Variants in KTN1 observed in about 807,000 individuals in gnomAD.
The protein encoded by KTN1 is kinectin 1, also known as kinectin.
Under a neutral mutation model 222.5 loss-of-function variants are expected in KTN1, and 130 were observed. The ratio of observed to expected loss-of-function variants is 0.58; its 90% CI spans 0.51 to 0.68. The LOEUF (loss-of-function observed/expected upper bound fraction) is 0.68, where lower values mean the gene tolerates loss of function less well. KTN1 is among the 30% of genes least tolerant of loss of function. The pLI, the probability that KTN1 is intolerant of heterozygous loss-of-function variation, is 0.00. For missense variants in KTN1, 1,508 were observed against 1,500.4 expected (o/e 1.01, Z -0.08); for synonymous variants, 512 against 496.3 (o/e 1.03, Z -0.42).
chr14:55,591,832 A>T (rs1594719163), intron 1 of KTN1, among the ~76,000 whole-genome samples: 1 of 151,910 alleles, frequency 6.6e-6, no homozygotes, highest in Non-Finnish European at 1.5e-5. Context: ...CGCCTCGGCC[A>T]CCCAAAATGC....
Position 55,648,854 on chromosome 14 carries a change from C to T in KTN1, c.2351C>T (p.Ala784Val). The T allele has an allele frequency of 1.9e-6, 3 of 1,597,372 alleles. No individual in the cohort carries two copies. Among genetic ancestry groups the T allele is most frequent in the Non-Finnish European group, 2.6e-6 (3 of 1,166,526 alleles). The change falls in exon 21 of 44, where the codon GCT becomes GTT. Residue 784 changes from alanine (A) to valine (V), a missense_variant. Coordinates refer to ENST00000395314, the MANE Select transcript of KTN1 (RefSeq NM_001079521.2). Reference sequence around the variant, plus strand: ...ACAAAAGAAGTTCAAGACTTAAAAGCTAAGCAAAATGATCAGGTAATGTAA... The same window carrying T: ...ACAAAAGAAGTTCAAGACTTAAAAGTTAAGCAAAATGATCAGGTAATGTAA... ...SLTKEVQDLKAKQNDQVSFAS... is the reference protein window; with the variant it reads ...SLTKEVQDLKVKQNDQVSFAS...
At chr14:55,614,676 C>G (rs2038088287) in intron 2 of KTN1, among the ~76,000 whole-genome samples, 1 of 152,196 alleles carries the variant, frequency 6.6e-6, no homozygotes, top group Non-Finnish European at 1.5e-5. Context: ...CAGCTACATT[C>G]ATTCACTCAT....
In KTN1 at chr14:55,682,121, C is replaced by G. The variant is rs561785296; in HGVS notation, c.4070-1978C>G. The G allele has an allele frequency of 2.0e-5, 3 of 152,150 alleles. No individual in the cohort carries two copies. In the East Asian group the frequency reaches 5.8e-4, roughly 29 times the overall value. The allele number at this position is 152,150 out of a possible 1,614,324, so 9.4% of individuals were successfully genotyped here. ...AGAGTTGTTTTTAAAAACAAATATG[C>G]AAGAAATAATATGCATTGATGTAGT... On this transcript the variant is annotated intron_variant, in intron 43 of 43. Coordinates refer to ENST00000395314, the MANE Select transcript of KTN1 (RefSeq NM_001079521.2).
In KTN1 at chr14:55,656,085, C is replaced by G; in HGVS notation, c.2845C>G (p.Leu949Val). Reference sequence around the variant, plus strand: ...TGAATTGAAGAGGTTAGAAGCCATGCTAAAAGAGAGGGAGAGTGATCTTTC... The same window carrying G: ...TGAATTGAAGAGGTTAGAAGCCATGGTAAAAGAGAGGGAGAGTGATCTTTC... The part of the protein sequence containing the change: ...ENELKRLEAM[L>V]KERESDLSSK... Residue 949 changes from leucine to valine, a missense_variant, in exon 29 of 44, where the codon CTA (leucine) becomes GTA (valine). Leu to Val is a conservative substitution (Grantham distance 32). Coordinates refer to ENST00000395314, the MANE Select transcript of KTN1 (RefSeq NM_001079521.2). The G allele has an allele frequency of 6.2e-7, 1 of 1,610,864 alleles. No homozygotes were observed. Among genetic ancestry groups the G allele is most frequent in the African/African-American group, 1.3e-5 (1 of 74,902 alleles).
intron 19 of KTN1, among the ~76,000 whole-genome samples, 195 bp from the exon 20 acceptor site, chr14:55,647,830 G>C (rs2042541204): frequency 6.6e-6 from 1 of 151,388 alleles, no homozygotes; most frequent in Non-Finnish European, 1.5e-5. Context: ...TGTAGTCCCA[G>C]CTACTCGGGA....
At chr14:55,638,233 A>G (rs2041362190) in intron 12 of KTN1, among the ~76,000 whole-genome samples, 1 of 151,950 alleles carries the variant, frequency 6.6e-6, no homozygotes, top group African/African-American at 2.4e-5. Context: ...CAGTATGGTA[A>G]CCATAGATCA....
At chr14:55,672,814 G>A (rs866683627) in intron 38 of KTN1, 113 bp downstream of exon 38, 3 of 1,053,482 alleles carry the variant, frequency 2.8e-6, no homozygotes, top group African/African-American at 3.2e-5. Context: ...AATATCTTGG[G>A]TAGTGTTTGA....
At chr14:55,658,196 G>A (rs2043713182) in intron 29 of KTN1, among the ~76,000 whole-genome samples, 1 of 152,068 alleles carries the variant, frequency 6.6e-6, no homozygotes, top group African/African-American at 2.4e-5. Flanking sequence ...GCTTCTAAAT[G>A]TCCAGCAGTG....
chr14:55,648,461 T>G (rs1382073626), intron 20 of KTN1, among the ~76,000 whole-genome samples: 1 of 152,156 alleles, frequency 6.6e-6, no homozygotes, highest in Non-Finnish European at 1.5e-5. Context: ...TTACCTAACT[T>G]GATTGGGAAA....
At chr14:55,680,639 G>C (rs368958574) in intron 43 of KTN1, 4 of 1,199,896 alleles carry the variant, frequency 3.3e-6, no homozygotes, top group Non-Finnish European at 4.6e-6. Flanking sequence ...GAAAAGTTGG[G>C]ATGGACTTCC....
At chr14:55,599,277 G>A (rs987999396) in intron 1 of KTN1, among the ~76,000 whole-genome samples, 2 of 151,436 alleles carry the variant, frequency 1.3e-5, no homozygotes, top group Non-Finnish European at 2.9e-5. Flanking sequence ...TCAGTTTTTT[G>A]GGATCTACTC....
rs754860693 is a variant in KTN1 at position 55,673,029 on chromosome 14, C to A, written c.3687+17C>A. On this transcript the variant is annotated intron_variant, in intron 39 of 43. Coordinates refer to ENST00000395314, the MANE Select transcript of KTN1 (RefSeq NM_001079521.2). ...GTCAGAGAGGTACTTACAACAGAAT[C>A]TTTTCAAACTTGCTTCTCAATTCAG... The A allele has an allele frequency of 6.9e-6, 11 of 1,585,388 alleles. No homozygotes were observed. The Admixed American group carries it at 1.7e-4, about 24-fold the overall frequency.
chr14:55,645,638 C>CAAA, intron 18 of KTN1, among the ~76,000 whole-genome samples: 1 of 152,210 alleles, frequency 6.6e-6, no homozygotes, highest in African/African-American at 2.4e-5. Flanking sequence ...TAGTATAAAC[C>CAAA]TGATTTAATG....
chr14:55,672,617 T>C lies in KTN1; in HGVS notation c.3532-13T>C, dbSNP rs776326481. 1.3e-6 allele frequency: 2 copies of C among 1,578,452 alleles called. No homozygotes were observed. The highest frequency in any genetic ancestry group is 3.3e-5 in the Admixed American group (2 of 59,756). ...GTGGTTTTACTTGGCCATGTAATTG[T>C]TTCACATTTCAGATGCAGTCATCAT... On this transcript the variant is annotated splice_polypyrimidine_tract_variant and intron_variant, in intron 37 of 43. Coordinates refer to ENST00000395314, the MANE Select transcript of KTN1 (RefSeq NM_001079521.2).
At chr14:55,673,034 C>A in intron 39 of KTN1, 22 bp downstream of exon 39, 1 of 1,582,096 alleles carries the variant, frequency 6.3e-7, no homozygotes, top group Non-Finnish European at 8.7e-7. Context: ...AGAATCTTTT[C>A]AAACTTGCTT....
At chr14:55,631,548 C>T (rs1031566935) in intron 7 of KTN1, among the ~76,000 whole-genome samples, 39 of 151,662 alleles carry the variant, frequency 2.6e-4, no homozygotes, top group South Asian at 2.1e-4. Context: ...TAATCCCAGC[C>T]GAGGTGGGAG....
At chr14:55,660,777 ATG>A (rs2044052323) in intron 31 of KTN1, among the ~76,000 whole-genome samples, 1 of 152,212 alleles carries the variant, frequency 6.6e-6, no homozygotes, top group African/African-American at 2.4e-5. Flanking sequence ...ATATGTGTAT[ATG>A]TGTGTACATG....
intron 5 of KTN1, among the ~76,000 whole-genome samples, chr14:55,626,852 G>T (rs1306456522): frequency 6.6e-6 from 1 of 151,098 alleles, no homozygotes; most frequent in Non-Finnish European, 1.5e-5. Flanking sequence ...TGAGATGTGG[G>T]ATTTTATCTG....
At chr14:55,666,871 A>G (rs774625578) in intron 33 of KTN1, among the ~76,000 whole-genome samples, 1 of 151,968 alleles carries the variant, frequency 6.6e-6, no homozygotes, top group East Asian at 1.9e-4. Context: ...GTGTTCCTCC[A>G]ATGTGTATTT....
Sources: gnomAD v4.1 joint callset for allele counts (sites outside exome capture counted in the v4.1 genomes callset) on GRCh38, gnomAD v4.1.1 for gene constraint, MANE v1.5 for transcripts, NCBI Gene and HGNC (gene_info 2026-07-23, HGNC 2026-07-21) for gene names.